The following CTDSPL variants were observed in gnomAD, a reference collection of about 807,000 sequenced individuals.
The protein encoded by CTDSPL is CTD small phosphatase like.
Under a neutral mutation model 30.5 loss-of-function variants are expected in CTDSPL, and 8 were observed. The observed-to-expected ratio is 0.26, with a 90% CI of 0.15 to 0.47. CTDSPL has a LOEUF of 0.47. Among genes scored for constraint, CTDSPL ranks in the 20% least tolerant of loss-of-function variants. The probability of loss-of-function intolerance (pLI) is 0.99; values close to 1 mark genes in which losing one functional copy is unlikely to be tolerated. For missense variants in CTDSPL, 248 were observed against 366.1 expected, an observed-to-expected ratio of 0.68 and a Z score of 2.63; for synonymous variants, 110 against 137.9, an observed-to-expected ratio of 0.80 and a Z score of 1.42.
At chr3:37,924,542 T>C (rs1388486650) in intron 1 of CTDSPL, among the ~76,000 whole-genome samples, 4 of 152,224 alleles carry the variant, frequency 2.6e-5, no homozygotes, top group Admixed American at 2.0e-4. Context: ...TCCATATTGA[T>C]CTTCCTTCCT....
At chr3:37,879,902 CATTA>C (rs1226915708) in intron 1 of CTDSPL, among the ~76,000 whole-genome samples, 1 of 151,778 alleles carries the variant, frequency 6.6e-6, no homozygotes, top group African/African-American at 2.4e-5. Flanking sequence ...GTTTAATAAA[CATTA>C]ATTATTATTA....
intron 1 of CTDSPL, among the ~76,000 whole-genome samples, chr3:37,864,507 T>G (rs1697984986): frequency 6.6e-6 from 1 of 152,134 alleles, no homozygotes; most frequent in African/African-American, 2.4e-5. Flanking sequence ...GGTGGGGTGG[T>G]TGGCTAGTAG....
intron 1 of CTDSPL, among the ~76,000 whole-genome samples, chr3:37,906,768 TC>T (rs1698520441): frequency 1.3e-5 from 2 of 152,194 alleles, no homozygotes; most frequent in Admixed American, 1.3e-4. Context: ...TAAGGGACAA[TC>T]CCACCAACTG....
Position 37,982,443 on chromosome 3 carries a change from C to T in CTDSPL, c.*1576C>T. 1 of 424,668 alleles carries T rather than the reference C, an allele frequency of 2.4e-6. No individual in the cohort carries two copies. The highest frequency in any genetic ancestry group is 1.7e-5 in the South Asian group (1 of 59,742). The allele number at this position is 424,668 out of a possible 1,614,324, so 26.3% of individuals were successfully genotyped here. The stretch of plus-strand genomic sequence containing the variant: ...TAAAAAGAACCCTTTCATATTGGCA[C>T]CATTGCCTTAGTCCTCTGTGGGTTG... On this transcript the variant is annotated 3_prime_UTR_variant, in exon 8 of 8. Coordinates refer to ENST00000273179, the MANE Select transcript of CTDSPL (RefSeq NM_001008392.2).
chr3:37,958,461 T>C (rs1224942444), intron 3 of CTDSPL, among the ~76,000 whole-genome samples: 4 of 152,164 alleles, frequency 2.6e-5, no homozygotes, highest in African/African-American at 9.7e-5. Flanking sequence ...CCTGCAGAGG[T>C]ACCTACATTA....
Position 37,905,952 on chromosome 3 carries a change from T to C in CTDSPL, c.80-41105T>C, listed in dbSNP as rs547653183. 9.5e-4 allele frequency among the ~76,000 whole-genome samples: 144 copies of C among 152,342 alleles called. 1 individual carries two copies. The highest frequency in any genetic ancestry group is 8.9e-3 in the South Asian group (43 of 4,832). ...AAGAGTATGGACTGGCACCCAGGGA[T>C]TGAGTTCTCAGCTCAGCTCTGCAAA... is the stretch of plus-strand genomic sequence containing the variant. On this transcript the variant is annotated intron_variant, in intron 1 of 7. Transcript: ENST00000273179.
intron 1 of CTDSPL, among the ~76,000 whole-genome samples, chr3:37,912,179 A>G (rs951903485): frequency 8.5e-5 from 13 of 152,204 alleles, no homozygotes; most frequent in Admixed American, 7.2e-4. Flanking sequence ...ACCTCCTTTC[A>G]CAGCCCCGCA....
intron 1 of CTDSPL, among the ~76,000 whole-genome samples, chr3:37,923,558 T>C (rs573851712): frequency 2.1e-4 from 32 of 152,186 alleles, no homozygotes; most frequent in Non-Finnish European, 4.0e-4. Context: ...TTTGTTAATA[T>C]TTTTCCATTT....
chr3:37,880,982 A>G (rs1188040405), intron 1 of CTDSPL, among the ~76,000 whole-genome samples: 1 of 151,516 alleles, frequency 6.6e-6, no homozygotes, highest in East Asian at 1.9e-4. Flanking sequence ...GAACTATTCT[A>G]GTGAAATATA....
rs1219630188 is a variant in CTDSPL at position 37,944,737 on chromosome 3, C to T, written c.80-2320C>T. ...TATTTGAAAGGAAGAATCCTGGAAC[C>T]TCCCACAGCTGTGAAAATGAAACCA... On this transcript the variant is annotated intron_variant, in intron 1 of 7. Coordinates refer to ENST00000273179, the MANE Select transcript of CTDSPL (RefSeq NM_001008392.2). 3.3e-5 allele frequency: 5 copies of T among 150,378 alleles called. 1 individual carries two copies. The Admixed American group carries it at 3.3e-4, about 10-fold the overall frequency. The allele number at this position is 150,378 out of a possible 1,614,324, so 9.3% of individuals were successfully genotyped here.
chr3:37,864,466 G>A (rs1369000076), intron 1 of CTDSPL, among the ~76,000 whole-genome samples: 1 of 152,078 alleles, frequency 6.6e-6, no homozygotes, highest in Non-Finnish European at 1.5e-5. Context: ...TTTGTTAACC[G>A]ATTAGAGGAA....
intron 1 of CTDSPL, among the ~76,000 whole-genome samples, chr3:37,945,694 T>A (rs1026906654): frequency 4.6e-5 from 7 of 152,242 alleles, no homozygotes; most frequent in African/African-American, 1.7e-4. Flanking sequence ...CAGCCAGCTT[T>A]CTCAGAGATT....
At chr3:37,937,944 G>A (rs1575307910) in intron 1 of CTDSPL, among the ~76,000 whole-genome samples, 2 of 150,334 alleles carry the variant, frequency 1.3e-5, no homozygotes, top group South Asian at 2.1e-4. Flanking sequence ...TCAGGGATCC[G>A]GCCCCTGTGC....
chr3:37,886,571 T>A (rs1698265706), intron 1 of CTDSPL, among the ~76,000 whole-genome samples: 1 of 152,146 alleles, frequency 6.6e-6, no homozygotes, highest in African/African-American at 2.4e-5. Context: ...TTGAACCTAT[T>A]CCCCTGATCT....
At chr3:37,897,154 G>A (rs1698398389) in intron 1 of CTDSPL, among the ~76,000 whole-genome samples, 1 of 152,154 alleles carries the variant, frequency 6.6e-6, no homozygotes, top group African/African-American at 2.4e-5. Context: ...AAGATATACA[G>A]TAATACAGAT....
rs1699497899 is a variant in CTDSPL at position 37,982,010 on chromosome 3, C to T, written c.*1143C>T. On this transcript the variant is annotated 3_prime_UTR_variant, in exon 8 of 8. Transcript: ENST00000273179. ...TGTCCCATCCCATTGCAGCCTCCAC[C>T]ACCTGTAACCCCTTCCTGGCATTGG... is the stretch of plus-strand genomic sequence containing the variant. 2 of 414,004 alleles carry T rather than the reference C, an allele frequency of 4.8e-6. No homozygotes were observed. Among genetic ancestry groups the T allele is most frequent in the African/African-American group, 4.1e-5 (2 of 48,842 alleles). The allele number at this position is 414,004 out of a possible 1,614,324, so 25.6% of individuals were successfully genotyped here.
In CTDSPL at chr3:37,862,197, C is replaced by T. The variant is rs1177537776; in HGVS notation, c.-3C>T. Reference sequence around the variant, plus strand: ...CTGCGGGCGGCCGCCGCGCCGCGCACCCATGGACGGCCCGGCCATCATCAC... The same window carrying T: ...CTGCGGGCGGCCGCCGCGCCGCGCATCCATGGACGGCCCGGCCATCATCAC... On this transcript the variant is annotated 5_prime_UTR_variant, in exon 1 of 8. Coordinates refer to ENST00000273179, the MANE Select transcript of CTDSPL (RefSeq NM_001008392.2). This position sits in a 1 kb window ranked among gnomAD's most constrained non-coding sequence, Gnocchi z 4.3. 6 of 1,364,706 alleles carry T rather than the reference C, an allele frequency of 4.4e-6. No individual in the cohort carries two copies. The highest frequency in any genetic ancestry group is 4.7e-6 in the Non-Finnish European group (5 of 1,054,128). The allele number at this position is 1,364,706 out of a possible 1,614,324, so 84.5% of individuals were successfully genotyped here.
intron 1 of CTDSPL, among the ~76,000 whole-genome samples, chr3:37,931,732 C>A (rs1698857116): frequency 6.6e-6 from 1 of 151,870 alleles, no homozygotes; most frequent in South Asian, 2.1e-4. Context: ...TAATAATAAT[C>A]AATTTTCAGC....
intron 1 of CTDSPL, among the ~76,000 whole-genome samples, chr3:37,883,197 A>C (rs1698227449): frequency 6.6e-6 from 1 of 152,238 alleles, no homozygotes; most frequent in Non-Finnish European, 1.5e-5. Flanking sequence ...TCTTAAAAGA[A>C]ATCCAGTTGG....
Sources: allele counts gnomAD v4.1 joint callset (sites outside exome capture counted in the v4.1 genomes callset), GRCh38; gene constraint gnomAD v4.1.1; non-coding constraint Gnocchi (gnomAD v3.1); transcripts MANE v1.5; gene names NCBI Gene and HGNC (gene_info 2026-07-23, HGNC 2026-07-21).